Variants in KDM4C observed in about 807,000 individuals in gnomAD.
KDM4C encodes the protein lysine-specific demethylase 4C.
A neutral mutation model predicts 129.3 loss-of-function variants in KDM4C; 81 were observed. The observed-to-expected ratio is 0.63, with a 90% CI of 0.52 to 0.75. KDM4C has a LOEUF of 0.75. Ranked by LOEUF, KDM4C falls within the 30% of genes least tolerant of loss-of-function variation. The pLI is 0.00. For synonymous variants in KDM4C, 573 were observed against 456.1 expected (o/e 1.26, Z -3.26); for missense variants, 1,457 against 1,304.0 (o/e 1.12, Z -1.81).
At chr9:6,812,031 A>G (rs1343761215) in intron 3 of KDM4C, among the ~76,000 whole-genome samples, 1 of 152,156 alleles carries the variant, frequency 6.6e-6, no homozygotes, top group Non-Finnish European at 1.5e-5. Context: ...AGGATTTTAG[A>G]ATTTAACTTC....
chr9:7,082,848 AGTT>A (rs1487615207), intron 17 of KDM4C, among the ~76,000 whole-genome samples: 2 of 152,144 alleles, frequency 1.3e-5, no homozygotes, highest in Non-Finnish European at 2.9e-5. Flanking sequence ...TTAATAATCA[AGTT>A]GTATGCAAAA....
In KDM4C at chr9:6,887,946, T is replaced by C. The variant is rs1443584844; in HGVS notation, c.680-14T>C. 2 of 1,490,204 alleles carry C rather than the reference T, an allele frequency of 1.3e-6. No homozygotes were observed. The highest frequency in any genetic ancestry group is 1.9e-6 in the Non-Finnish European group (2 of 1,067,462). 92.3% of individuals were successfully genotyped at this position (1,490,204 alleles called of 1,614,324 possible). ...ATCGACACAGTGCCACTTACATTTA[T>C]TGTTTCTTTTTAGGTTTTTTCCCAA... On this transcript the variant is annotated splice_polypyrimidine_tract_variant and intron_variant, in intron 6 of 21. Transcript: ENST00000381309.
Position 6,990,443 on chromosome 9 carries a change from A to C in KDM4C, c.1705A>C (p.Lys569Gln). Residue 569 changes from lysine (K) to glutamine (Q), a missense_variant, in exon 12 of 22, where the codon AAG becomes CAG. Coordinates refer to ENST00000381309, the MANE Select transcript of KDM4C (RefSeq NM_015061.6). ...SIAEGENKTS[K>Q]SWRHPLSRPP... is the part of the protein sequence containing the mutation. ...AGCAGAGGGAGAGAACAAAACCTCT[A>C]AGAGTTGGCGCCATCCACTTAGCAG... The C allele has an allele frequency of 6.2e-7, 1 of 1,613,446 alleles. No individual in the cohort carries two copies. The highest frequency in any genetic ancestry group is 8.5e-7 in the Non-Finnish European group (1 of 1,179,674).
intron 19 of KDM4C, among the ~76,000 whole-genome samples, chr9:7,155,422 T>C (rs1008540983): frequency 1.3e-5 from 2 of 152,182 alleles, no homozygotes; most frequent in Non-Finnish European, 2.9e-5. Flanking sequence ...GTTTGATACA[T>C]AGGTATACAT....
intron 15 of KDM4C, among the ~76,000 whole-genome samples, chr9:7,038,764 A>AT (rs1298447917): frequency 6.6e-6 from 1 of 152,064 alleles, no homozygotes; most frequent in Non-Finnish European, 1.5e-5. Context: ...CGTAACCATC[A>AT]TAACAGCTTA....
At chr9:6,891,364 G>C (rs921003803) in intron 7 of KDM4C, among the ~76,000 whole-genome samples, 2 of 152,052 alleles carry the variant, frequency 1.3e-5, no homozygotes, top group Non-Finnish European at 2.9e-5. Flanking sequence ...CTACAACCTG[G>C]GTGAACTTTG....
chr9:6,787,192 C>T (rs1008592307), intron 1 of KDM4C, among the ~76,000 whole-genome samples: 1 of 152,168 alleles, frequency 6.6e-6, no homozygotes, highest in Non-Finnish European at 1.5e-5. Context: ...TGCTGCATGT[C>T]TTAACAATTT....
rs566151522 is a variant in KDM4C, at chr9:6,741,387, T to A, written c.49+20390T>A. Among the ~76,000 whole-genome samples the A allele has an allele frequency of 3.9e-5, 6 of 152,166 alleles. No individual in the cohort carries two copies. In the East Asian group the frequency reaches 1.2e-3, roughly 30 times the overall value. On this transcript the variant is annotated intron_variant, in intron 1 of 17. Transcript: ENST00000536108. ...TCCAGCCTGGGCAACAGAGCGAGAC[T>A]CTATCTCAAAAAACAAAAAACAAAA... is the stretch of plus-strand genomic sequence containing the variant.
intron 12 of KDM4C, among the ~76,000 whole-genome samples, chr9:6,999,355 A>G (rs1276089037): frequency 6.6e-6 from 1 of 152,128 alleles, no homozygotes; most frequent in East Asian, 1.9e-4. Context: ...AAAGTATTAA[A>G]TATAAATGTT....
chr9:7,115,118 T>C (rs540930222), intron 18 of KDM4C, among the ~76,000 whole-genome samples: 1 of 152,020 alleles, frequency 6.6e-6, no homozygotes, highest in East Asian at 1.9e-4. Context: ...AAAGAAATAA[T>C]TTACATGGGA....
At chr9:6,839,333 C>G (rs1439334095) in intron 4 of KDM4C, among the ~76,000 whole-genome samples, 2 of 151,828 alleles carry the variant, frequency 1.3e-5, no homozygotes, top group Non-Finnish European at 2.9e-5. Context: ...GGGCTCAAAC[C>G]ATTCCCCCAC....
At chr9:6,934,472 C>G (rs1350656249) in intron 8 of KDM4C, among the ~76,000 whole-genome samples, 5 of 137,634 alleles carry the variant, frequency 3.6e-5, no homozygotes, top group African/African-American at 7.7e-5. Context: ...AGAGCAAGAC[C>G]CCGCCAAAAA....
At chr9:6,802,573 A>C (rs1369561022) in intron 2 of KDM4C, among the ~76,000 whole-genome samples, 1 of 152,218 alleles carries the variant, frequency 6.6e-6, no homozygotes. Flanking sequence ...CAAAATACTG[A>C]GTAGGAATGA....
chr9:6,745,960 C>T (rs1817858015), intron 1 of KDM4C, among the ~76,000 whole-genome samples: 1 of 152,066 alleles, frequency 6.6e-6, no homozygotes, highest in Non-Finnish European at 1.5e-5. Context: ...CAGGCATGTG[C>T]CACCATACCT....
At chr9:7,077,876 G>T (rs1834101705) in intron 17 of KDM4C, among the ~76,000 whole-genome samples, 1 of 152,160 alleles carries the variant, frequency 6.6e-6, no homozygotes, top group African/African-American at 2.4e-5. Context: ...GAAACACATG[G>T]TCACCCTCTT....
chr9:6,790,038 C>G (rs1455652012), intron 1 of KDM4C, among the ~76,000 whole-genome samples: 2 of 146,082 alleles, frequency 1.4e-5, no homozygotes, highest in Non-Finnish European at 3.0e-5. Context: ...CTTTGGGAGG[C>G]CGAGGCGGGT....
intron 1 of KDM4C, among the ~76,000 whole-genome samples, chr9:6,737,608 G>A (rs1378054458): frequency 7.2e-6 from 1 of 139,016 alleles, no homozygotes; most frequent in Non-Finnish European, 1.5e-5. Flanking sequence ...AGGTTGCAGT[G>A]AGCCGGGATC....
chr9:7,027,245 G>A (rs150236103), intron 15 of KDM4C, among the ~76,000 whole-genome samples: 3 of 152,280 alleles, frequency 2.0e-5, no homozygotes, highest in African/African-American at 7.2e-5. Context: ...GGCTTTCCAG[G>A]TATTTGGAAG....
At chr9:7,061,834 G>T (rs1831719728) in intron 17 of KDM4C, among the ~76,000 whole-genome samples, 1 of 152,172 alleles carries the variant, frequency 6.6e-6, no homozygotes. Context: ...ACTGAAGAAG[G>T]AGTCTGGGAA....
Sources: allele counts gnomAD v4.1 joint callset (sites outside exome capture counted in the v4.1 genomes callset), GRCh38; gene constraint gnomAD v4.1.1; transcripts MANE v1.5; gene names NCBI Gene and HGNC (gene_info 2026-07-23, HGNC 2026-07-21).